The following CSMD1 variants were observed in gnomAD, a reference collection of about 807,000 sequenced individuals.
CSMD1 encodes the protein CUB and sushi domain-containing protein 1.
CSMD1 carries 213 observed loss-of-function variants against 417.5 expected under a neutral mutation model. The ratio of observed to expected loss-of-function variants is 0.51; its 90% CI spans 0.46 to 0.57. The LOEUF (loss-of-function observed/expected upper bound fraction) is 0.57, where lower values mean the gene tolerates loss of function less well. CSMD1 is among the 20% of genes least tolerant of loss of function. The pLI is 0.00. For synonymous variants in CSMD1, 2,862 were observed against 1,736.8 expected, an observed-to-expected ratio of 1.65 and a Z score of -16.11; for missense variants, 6,923 against 4,529.7, an observed-to-expected ratio of 1.53 and a Z score of -15.17.
chr8:3,758,961 G>T (rs376172405), intron 5 of CSMD1, among the ~76,000 whole-genome samples: 8 of 152,130 alleles, frequency 5.3e-5, no homozygotes, highest in East Asian at 1.9e-4. Context: ...ACGCATTGAG[G>T]GCTTCACCCT....
chr8:3,367,308 G>A (rs969449842), intron 19 of CSMD1, 61 bp from the exon 20 acceptor site: 42 of 1,050,524 alleles, frequency 4.0e-5, no homozygotes, highest in Admixed American at 1.6e-4. Context: ...GGCGGCGGGG[G>A]CAGAGAGGGA....
intron 5 of CSMD1, among the ~76,000 whole-genome samples, chr8:3,818,710 A>C (rs1191615387): frequency 6.6e-6 from 1 of 152,168 alleles, no homozygotes; most frequent in Non-Finnish European, 1.5e-5. Flanking sequence ...AGGAAGGGAG[A>C]TGGAAAACAC....
chr8:4,902,553 A>G (rs1003360835), intron 1 of CSMD1, among the ~76,000 whole-genome samples: 3 of 152,236 alleles, frequency 2.0e-5, no homozygotes, highest in African/African-American at 7.2e-5. Flanking sequence ...CATTCAAGAC[A>G]TTTTCTTCTT....
chr8:4,302,704 C>T (rs1459682233), intron 3 of CSMD1, among the ~76,000 whole-genome samples: 4 of 152,104 alleles, frequency 2.6e-5, no homozygotes, highest in Admixed American at 2.0e-4. Flanking sequence ...GTGTATGTGC[C>T]GTGTTTTCAA....
intron 3 of CSMD1, among the ~76,000 whole-genome samples, chr8:4,140,292 T>C (rs915030860): frequency 2.7e-5 from 4 of 150,364 alleles, no homozygotes; most frequent in African/African-American, 1.0e-4. Context: ...AGGTCAGGAG[T>C]TTGAGACCAG....
intron 42 of CSMD1, among the ~76,000 whole-genome samples, chr8:3,115,131 A>G (rs1816784582): frequency 6.6e-6 from 1 of 152,088 alleles, no homozygotes; most frequent in African/African-American, 2.4e-5. Context: ...ATATTTAATT[A>G]GAAAATTACA....
At chr8:2,945,763 A>G (rs946632423) in intron 68 of CSMD1, among the ~76,000 whole-genome samples, 2 of 151,774 alleles carry the variant, frequency 1.3e-5, no homozygotes, top group Admixed American at 6.6e-5. Context: ...TCCACACGTT[A>G]TTATTGGTTC....
At chr8:4,469,343 T>G (rs56158884) in intron 2 of CSMD1, among the ~76,000 whole-genome samples, 1 of 152,156 alleles carries the variant, frequency 6.6e-6, no homozygotes, top group Non-Finnish European at 1.5e-5. Context: ...AAAGTCTTGT[T>G]ATTTTACCTT....
chr8:4,495,101 T>G (rs1348041121), intron 2 of CSMD1, among the ~76,000 whole-genome samples: 1 of 152,146 alleles, frequency 6.6e-6, no homozygotes, highest in East Asian at 1.9e-4. Flanking sequence ...TTCACCCTGC[T>G]TCTAAAACAC....
intron 18 of CSMD1, among the ~76,000 whole-genome samples, chr8:3,370,003 C>T (rs774546259): frequency 6.6e-6 from 1 of 152,118 alleles, no homozygotes; most frequent in African/African-American, 2.4e-5. Flanking sequence ...TAGGTGTTTG[C>T]AATGATTGCC....
intron 3 of CSMD1, among the ~76,000 whole-genome samples, chr8:4,406,844 T>C (rs913649546): frequency 2.0e-5 from 3 of 152,220 alleles, no homozygotes; most frequent in Non-Finnish European, 2.9e-5. Context: ...GCAAAACTAT[T>C]AAAATGTCCA....
chr8:4,854,604 G>T (rs34229155), intron 1 of CSMD1, among the ~76,000 whole-genome samples: 2 of 151,794 alleles, frequency 1.3e-5, no homozygotes, highest in Non-Finnish European at 2.9e-5. Context: ...CACTTGGGAA[G>T]CGGAAGGGGT....
At chr8:4,302,056 A>G (rs1791782830) in intron 3 of CSMD1, among the ~76,000 whole-genome samples, 1 of 152,214 alleles carries the variant, frequency 6.6e-6, no homozygotes, top group African/African-American at 2.4e-5. Flanking sequence ...TTTTTTCATT[A>G]GAATTTTCCA....
intron 4 of CSMD1, among the ~76,000 whole-genome samples, chr8:4,016,491 G>A (rs1016794728): frequency 6.6e-6 from 1 of 152,094 alleles, no homozygotes; most frequent in Non-Finnish European, 1.5e-5. Context: ...AAGCTTCCTG[G>A]AGGACAAGGA....
intron 1 of CSMD1, among the ~76,000 whole-genome samples, chr8:4,848,012 G>A (rs1320702972): frequency 1.3e-5 from 2 of 151,930 alleles, no homozygotes; most frequent in Non-Finnish European, 2.9e-5. Flanking sequence ...ACAACAACTC[G>A]TCTTCTTTTG....
intron 1 of CSMD1, among the ~76,000 whole-genome samples, chr8:4,969,177 T>C (rs866123514): frequency 6.6e-6 from 1 of 152,144 alleles, no homozygotes; most frequent in South Asian, 2.1e-4. Context: ...ATTGCGTGTG[T>C]GCGTGTGTGT....
chr8:3,829,109 A>G (rs1179353210), intron 5 of CSMD1, among the ~76,000 whole-genome samples: 1 of 151,878 alleles, frequency 6.6e-6, no homozygotes, highest in East Asian at 1.9e-4. Context: ...GAGTTTTATG[A>G]GAACCTGGTG....
At chr8:3,907,111 G>A (rs897911987) in intron 5 of CSMD1, among the ~76,000 whole-genome samples, 1 of 152,112 alleles carries the variant, frequency 6.6e-6, no homozygotes. Flanking sequence ...TTCTTCTTCG[G>A]CTTCCCACTA....
intron 32 of CSMD1, among the ~76,000 whole-genome samples, chr8:3,201,304 A>T (rs551020089): frequency 5.3e-4 from 81 of 152,262 alleles, no homozygotes; most frequent in African/African-American, 1.8e-3. Context: ...GACACATGGG[A>T]TACAAAATTA....
Sources: gnomAD v4.1 joint callset for allele counts (sites outside exome capture counted in the v4.1 genomes callset) on GRCh38, gnomAD v4.1.1 for gene constraint, MANE v1.5 for transcripts, NCBI Gene and HGNC (gene_info 2026-07-23, HGNC 2026-07-21) for gene names.